Variants in TRIP4 observed in about 807,000 individuals in gnomAD.
The protein encoded by TRIP4 is thyroid hormone receptor interactor 4, also known as activating signal cointegrator 1.
In TRIP4, 54 loss-of-function variants were observed where a neutral mutation model predicts 81.8. The observed-to-expected ratio is 0.66, with a 90% confidence interval of 0.53 to 0.83. The LOEUF (loss-of-function observed/expected upper bound fraction) is 0.83. Ranked by LOEUF, TRIP4 falls within the 40% of genes least tolerant of loss-of-function variation. TRIP4 has a pLI of 0.00. For synonymous variants in TRIP4, 270 were observed against 242.8 expected, an observed-to-expected ratio of 1.11 and a Z score of -1.04; for missense variants, 662 against 683.6, an observed-to-expected ratio of 0.97 and a Z score of 0.35.
chr15:64,409,437 CCTGAGG>C (rs1388009793), intron 6 of TRIP4, among the ~76,000 whole-genome samples, 170 bp from the exon 7 acceptor site: 1 of 152,136 alleles, frequency 6.6e-6, no homozygotes, highest in Non-Finnish European at 1.5e-5. Context: ...TCTTTTCTTG[CCTGAGG>C]TTGAGATAAG....
At chr15:64,434,530 T>C (rs896545018) in intron 11 of TRIP4, among the ~76,000 whole-genome samples, 1 of 151,408 alleles carries the variant, frequency 6.6e-6, no homozygotes, top group Non-Finnish European at 1.5e-5. Flanking sequence ...TGAAGTTTTT[T>C]TGAGGCATTA....
chr15:64,393,829 A>T (rs1566971233), intron 1 of TRIP4, 117 bp from the exon 2 acceptor site: 1 of 1,014,674 alleles, frequency 9.9e-7, no homozygotes, highest in African/African-American at 1.7e-5. Context: ...TACTTGGCTC[A>T]AAGTAAACAC....
rs528882224 is a variant in TRIP4 at position 64,393,789 on chromosome 15, A to T, written c.102-157A>T. The T allele has an allele frequency of 7.1e-6, 4 of 566,580 alleles. 1 individual carries two copies. In the East Asian group the frequency reaches 1.0e-4, roughly 15 times the overall value. 35.1% of individuals were successfully genotyped at this position (566,580 alleles called of 1,614,324 possible). On this transcript the variant is annotated intron_variant, in intron 1 of 12. Coordinates refer to ENST00000261884, the MANE Select transcript of TRIP4 (RefSeq NM_016213.5). Reference sequence around the variant, plus strand: ...TATGTATACATTCATACCAGTTAGGATCGTATCGTATTTCTAGCACCTAGC... The same window carrying T: ...TATGTATACATTCATACCAGTTAGGTTCGTATCGTATTTCTAGCACCTAGC...
intron 12 of TRIP4, among the ~76,000 whole-genome samples, chr15:64,451,150 T>C (rs1315314838): frequency 6.6e-6 from 1 of 152,140 alleles, no homozygotes; most frequent in Non-Finnish European, 1.5e-5. Flanking sequence ...TCTTGCTCTG[T>C]TGCCCAGGCT....
chr15:64,391,617 T>C (rs1177542221), intron 1 of TRIP4, among the ~76,000 whole-genome samples: 12 of 152,118 alleles, frequency 7.9e-5, no homozygotes, highest in Admixed American at 7.9e-4. Flanking sequence ...CCTTGTTAAG[T>C]AGTTAAAATG....
intron 3 of TRIP4, 131 bp from the exon 4 acceptor site, chr15:64,397,475 C>T (rs778367387): frequency 1.2e-6 from 1 of 851,576 alleles, no homozygotes; most frequent in Non-Finnish European, 1.8e-6. Flanking sequence ...GTATTTCTTC[C>T]TTTCACTGCC....
intron 5 of TRIP4, among the ~76,000 whole-genome samples, chr15:64,405,223 C>T (rs192587506): frequency 3.0e-4 from 45 of 150,622 alleles, no homozygotes; most frequent in African/African-American, 1.0e-3. Flanking sequence ...GGCACGGTCT[C>T]GGCTCACTGT....
chr15:64,446,527 C>T (rs1374313781), intron 12 of TRIP4, among the ~76,000 whole-genome samples: 2 of 150,244 alleles, frequency 1.3e-5, no homozygotes. Flanking sequence ...GCCTCACCCT[C>T]CCGAGTAGCT....
At position 64,434,830 on chromosome 15, in the gene TRIP4, G is replaced by A. The variant is rs540199858; in HGVS notation, c.1575+9199G>A. On this transcript the variant is annotated intron_variant, in intron 11 of 12. Transcript: ENST00000261884. ...CTATTTGATCTAGAAAGAATATGCT[G>A]TAGTGTCGCTATCTACTTGGAATCT... 1.4e-4 allele frequency among the ~76,000 whole-genome samples: 21 copies of A among 152,272 alleles called. No homozygotes were observed. In the South Asian group the frequency reaches 2.1e-3, roughly 15 times the overall value.
intron 4 of TRIP4, among the ~76,000 whole-genome samples, chr15:64,398,335 A>G (rs974333140): frequency 7.1e-6 from 1 of 141,342 alleles, no homozygotes; most frequent in Non-Finnish European, 1.5e-5. Context: ...TGGGAAGCCA[A>G]GGTGGGTTTT....
intron 11 of TRIP4, among the ~76,000 whole-genome samples, chr15:64,431,847 A>ATATATATTTTTTTTTTTTTT: frequency 8.4e-6 from 1 of 119,560 alleles, no homozygotes; most frequent in African/African-American, 3.3e-5. Flanking sequence ...ATATATATAT[A>ATATATATTTTTTTTTTTTTT]TTTTTTTTAT....
chr15:64,405,473 G>A (rs562820583), intron 5 of TRIP4, among the ~76,000 whole-genome samples: 1 of 152,232 alleles, frequency 6.6e-6, no homozygotes, highest in Admixed American at 6.5e-5. Flanking sequence ...ATTTCTAACT[G>A]TGTGAACTCA....
At chr15:64,431,829 T>C (rs1892275926) in intron 11 of TRIP4, among the ~76,000 whole-genome samples, 1 of 61,956 alleles carries the variant, frequency 1.6e-5, no homozygotes, top group Non-Finnish European at 4.3e-5. Context: ...AAACCATTTA[T>C]ATTATATATA....
chr15:64,422,965 T>C (rs1892052689), intron 9 of TRIP4, among the ~76,000 whole-genome samples: 1 of 152,188 alleles, frequency 6.6e-6, no homozygotes, highest in East Asian at 1.9e-4. Flanking sequence ...ATGACCCCAT[T>C]TTCCATTATA....
Position 64,413,198 on chromosome 15 carries a change from A to C in TRIP4, c.1044-887A>C, listed in dbSNP as rs541846949. ...CTGTGGGTCAGGGTATTCCTAGGCAACTTTTTTTTTTCTTTTTGTGACAGG... is the reference window on the plus strand; with the variant it reads ...CTGTGGGTCAGGGTATTCCTAGGCACCTTTTTTTTTTCTTTTTGTGACAGG... On this transcript the variant is annotated intron_variant, in intron 7 of 12. Transcript: ENST00000261884. Among the ~76,000 whole-genome samples the C allele has an allele frequency of 2.0e-3, 310 of 152,178 alleles. 1 individual carries two copies. The highest frequency in any genetic ancestry group is 7.1e-3 in the African/African-American group (297 of 41,550).
At chr15:64,395,847 T>C (rs1385642188) in intron 3 of TRIP4, among the ~76,000 whole-genome samples, 1 of 151,792 alleles carries the variant, frequency 6.6e-6, no homozygotes, top group Non-Finnish European at 1.5e-5. Context: ...TTCAAGTGAT[T>C]CTCCTGCATC....
At chr15:64,420,007 G>C (rs888696168) in intron 9 of TRIP4, among the ~76,000 whole-genome samples, 26 of 151,738 alleles carry the variant, frequency 1.7e-4, no homozygotes, top group Non-Finnish European at 3.1e-4. Flanking sequence ...GTAGAGATGA[G>C]GTTTCACCAT....
chr15:64,415,213 A>T (rs1240272429), intron 8 of TRIP4, among the ~76,000 whole-genome samples: 1 of 152,182 alleles, frequency 6.6e-6, no homozygotes, highest in Admixed American at 6.6e-5. Flanking sequence ...TGGGATATAG[A>T]TATAGGAATT....
At chr15:64,439,510 A>ATTTTT (rs1488475530) in intron 11 of TRIP4, among the ~76,000 whole-genome samples, 1 of 122,724 alleles carries the variant, frequency 8.1e-6, no homozygotes, top group African/African-American at 3.1e-5. Context: ...CAACTTATAA[A>ATTTTT]TCTTTTTTTT....
Sources: allele counts gnomAD v4.1 joint callset (sites outside exome capture counted in the v4.1 genomes callset), GRCh38; gene constraint gnomAD v4.1.1; transcripts MANE v1.5; gene names NCBI Gene and HGNC (gene_info 2026-07-23, HGNC 2026-07-21).